Variants in BHMT observed in about 807,000 individuals in gnomAD.
The protein encoded by BHMT is betaine--homocysteine S-methyltransferase 1.
A neutral mutation model predicts 49.5 loss-of-function variants in BHMT; 38 were observed. The observed-to-expected ratio is 0.77, with a 90% CI of 0.59 to 1.01. BHMT has a LOEUF of 1.01. BHMT is among the 50% of genes least tolerant of loss of function. BHMT has a pLI of 0.00. For missense variants in BHMT, 426 were observed against 495.7 expected (o/e 0.86, Z 1.34); for synonymous variants, 166 against 176.3 (o/e 0.94, Z 0.46).
chr5:79,114,790 T>G (rs1280529833), intron 1 of BHMT, among the ~76,000 whole-genome samples: 1 of 152,168 alleles, frequency 6.6e-6, no homozygotes, highest in Non-Finnish European at 1.5e-5. Context: ...ATTTGTGAAA[T>G]GAGAGAGAGA....
Position 79,111,844 on chromosome 5 carries a change from C to T in BHMT, c.-42C>T, listed in dbSNP as rs762313972. ...TGCGCAGCGGGAAGGCTCGCCTAGT[C>T]GGTCCGCATCCGTGTCGACCACCTG... On this transcript the variant is annotated 5_prime_UTR_variant, in exon 1 of 8. Transcript: ENST00000274353. The T allele has an allele frequency of 6.2e-7, 1 of 1,609,962 alleles. No individual in the cohort carries two copies. The highest frequency in any genetic ancestry group is 1.3e-5 in the African/African-American group (1 of 74,786).
At position 79,119,361 on chromosome 5, in the gene BHMT, T is replaced by A; in HGVS notation, c.269T>A (p.Val90Asp). ...AAGCTGGAGAACAGGGGCAACTATG[T>A]CTTAGAGAAGATATCTGTGAGTAAA... ...EDKLENRGNY[V>D]LEKISGQEVN... The change falls in exon 3 of 8, where the codon GTC becomes GAC. Residue 90 changes from valine (V) to aspartate (D), a missense_variant. By Grantham distance (152) the Val-to-Asp change is radical. This residue lies in a region of BHMT where 321 missense variants were observed against 355.9 expected (regional missense o/e 0.90). Coordinates refer to ENST00000274353, the MANE Select transcript of BHMT (RefSeq NM_001713.3). 1 of 1,612,914 alleles carries A rather than the reference T, an allele frequency of 6.2e-7. No homozygotes were observed.
At position 79,113,667 on chromosome 5, in the gene BHMT, G is replaced by A. The variant is rs921120277; in HGVS notation, c.33+1749G>A. Among the ~76,000 whole-genome samples the A allele has an allele frequency of 2.0e-5, 3 of 152,022 alleles. No individual in the cohort carries two copies. The South Asian group carries it at 6.2e-4, about 32-fold the overall frequency. On this transcript the variant is annotated intron_variant, in intron 1 of 7. Transcript: ENST00000274353. ...AATATGCACTTCTTAGACAAAAATGGGCTGATATTACATATACTGTTTTGT... is the reference window on the plus strand; with the variant it reads ...AATATGCACTTCTTAGACAAAAATGAGCTGATATTACATATACTGTTTTGT...
intron 2 of BHMT, 130 bp downstream of exon 2, chr5:79,116,029 G>C: frequency 8.5e-7 from 1 of 1,177,956 alleles, no homozygotes; most frequent in Non-Finnish European, 1.1e-6. Context: ...ACCAGCCTGG[G>C]CACATAGGGA....
At position 79,119,359 on chromosome 5, in the gene BHMT, T is replaced by A. The variant is rs1419928196; in HGVS notation, c.267T>A (p.Tyr89Ter). Reference sequence around the variant, plus strand: ...ACAAGCTGGAGAACAGGGGCAACTATGTCTTAGAGAAGATATCTGTGAGTA... The same window carrying A: ...ACAAGCTGGAGAACAGGGGCAACTAAGTCTTAGAGAAGATATCTGTGAGTA... ...SEDKLENRGN[Y>*]VLEKISGQEV... Residue 89 changes from tyrosine to a stop codon, truncating the protein, a stop_gained, in exon 3 of 8, where the codon TAT becomes TAA. Coordinates refer to ENST00000274353, the MANE Select transcript of BHMT (RefSeq NM_001713.3). LOFTEE classifies it high-confidence loss of function. 6.2e-7 allele frequency: 1 copy of A among 1,613,142 alleles called. No individual in the cohort carries two copies. The highest frequency in any genetic ancestry group is 1.3e-5 in the African/African-American group (1 of 75,014).
chr5:79,131,251 T>A lies in BHMT; in HGVS notation c.*135T>A. On this transcript the variant is annotated 3_prime_UTR_variant, in exon 8 of 8. Transcript: ENST00000274353. ...TATTATTGCTATTACCTGAACAAAA[T>A]AGAATTACAAATAGCACTTGATAAT... 1.2e-6 allele frequency: 1 copy of A among 838,462 alleles called. No homozygotes were observed. Among genetic ancestry groups the A allele is most frequent in the Non-Finnish European group, 1.8e-6 (1 of 568,996 alleles). The allele number at this position is 838,462 out of a possible 1,614,324, so 51.9% of individuals were successfully genotyped here.
chr5:79,118,469 A>AAAACAAAC (rs199901742), intron 2 of BHMT, among the ~76,000 whole-genome samples: 28 of 152,140 alleles, frequency 1.8e-4, no homozygotes, highest in African/African-American at 5.3e-4. Context: ...TCCATCTCAA[A>AAAACAAAC]AAACAAACAA....
intron 7 of BHMT, among the ~76,000 whole-genome samples, chr5:79,129,759 T>C (rs776160132): frequency 3.3e-5 from 5 of 151,968 alleles, no homozygotes; most frequent in Non-Finnish European, 7.4e-5. Context: ...TGGGGAAGAA[T>C]AACCAAGGTG....
At chr5:79,117,795 C>G (rs1182423130) in intron 2 of BHMT, among the ~76,000 whole-genome samples, 1 of 152,176 alleles carries the variant, frequency 6.6e-6, no homozygotes, top group South Asian at 2.1e-4. Flanking sequence ...TTTTCAGGAG[C>G]TGATATATTA....
chr5:79,127,792 A>G lies in BHMT; in HGVS notation c.846A>G (p.Gln282=). ...EPRVATRWDI[Q]KYAREAYNLG... ...GAGTTGCCACCAGATGGGATATTCA[A>G]AAATACGCCAGAGAGGCCTACAACC... is the stretch of plus-strand genomic sequence containing the variant. The change falls in exon 7 of 8, where the codon CAA becomes CAG. Residue 282 remains glutamine (Q), a synonymous_variant. Coordinates refer to ENST00000274353, the MANE Select transcript of BHMT (RefSeq NM_001713.3). 6.2e-7 allele frequency: 1 copy of G among 1,614,122 alleles called. No individual in the cohort carries two copies. Among genetic ancestry groups the G allele is most frequent in the Non-Finnish European group, 8.5e-7 (1 of 1,179,956 alleles).
chr5:79,126,046 G>A lies in BHMT; in HGVS notation c.626G>A (p.Gly209Glu). The A allele has an allele frequency of 6.3e-7, 1 of 1,595,956 alleles. No individual in the cohort carries two copies. The highest frequency in any genetic ancestry group is 8.6e-7 in the Non-Finnish European group (1 of 1,165,002). Reference protein sequence around the residue: ...GECAVRLVKAGASIIGVNCHF... With the variant: ...GECAVRLVKAEASIIGVNCHF... ...TCTATCATGTTCTTCCCACTCACAG[G>A]AGCATCCATCATTGGTGTGAACTGC... Residue 209 changes from glycine to glutamate, a missense_variant and splice_region_variant, in exon 6 of 8, where the codon GGA (glycine) becomes GAA (glutamate). Transcript: ENST00000274353.
At chr5:79,121,184 A>G in intron 4 of BHMT, 34 bp from the exon 5 acceptor site, 4 of 1,586,882 alleles carry the variant, frequency 2.5e-6, no homozygotes, top group Non-Finnish European at 3.4e-6. Context: ...GGGAGAAACG[A>G]GATTAAAAGT....
intron 6 of BHMT, among the ~76,000 whole-genome samples, chr5:79,126,453 T>C (rs530349367): frequency 6.6e-6 from 1 of 152,232 alleles, no homozygotes; most frequent in South Asian, 2.1e-4. Flanking sequence ...TGAATTTAAA[T>C]ATAAAATCTA....
At chr5:79,130,116 G>T (rs1002827569) in intron 7 of BHMT, among the ~76,000 whole-genome samples, 1 of 152,162 alleles carries the variant, frequency 6.6e-6, no homozygotes, top group African/African-American at 2.4e-5. Flanking sequence ...GGGGGTTGCA[G>T]TGAGCCAAGA....
In BHMT at chr5:79,119,308, G is replaced by A. The variant is rs771977077; in HGVS notation, c.216G>A (p.Gln72=). 6.2e-7 allele frequency: 1 copy of A among 1,614,106 alleles called. No homozygotes were observed. Among genetic ancestry groups the A allele is most frequent in the Non-Finnish European group, 8.5e-7 (1 of 1,180,026 alleles). The part of the protein sequence containing the change: ...EFLRAGSNVM[Q]TFTFYASEDK... ...TCAGAGCTGGCTCAAACGTCATGCA[G>A]ACCTTCACCTTCTATGCGAGTGAAG... The change falls in exon 3 of 8, where the codon CAG becomes CAA. Residue 72 remains glutamine, a synonymous_variant. Transcript: ENST00000274353.
At chr5:79,128,513 G>C (rs1580275506) in intron 7 of BHMT, among the ~76,000 whole-genome samples, 2 of 140,666 alleles carry the variant, frequency 1.4e-5, no homozygotes, top group Admixed American at 1.5e-4. Context: ...TTGGGCAACA[G>C]AGTGAGACCC....
At chr5:79,114,275 C>T (rs1262692453) in intron 1 of BHMT, among the ~76,000 whole-genome samples, 5 of 151,880 alleles carry the variant, frequency 3.3e-5, no homozygotes, top group East Asian at 3.9e-4. Context: ...TTATGGGCTC[C>T]CATAAGATAA....
intron 1 of BHMT, among the ~76,000 whole-genome samples, chr5:79,113,466 G>A (rs550089128): frequency 4.6e-5 from 7 of 152,308 alleles, no homozygotes; most frequent in East Asian, 3.9e-4. Context: ...ACTTGTTTCC[G>A]TGCATATGTC....
intron 4 of BHMT, 66 bp from the exon 5 acceptor site, chr5:79,121,150 CAA>C (rs112263466): frequency 8.8e-3 from 11,617 of 1,327,374 alleles, no homozygotes; most frequent in South Asian, 0.013. Context: ...AACTCCGTCT[CAA>C]AAAAAAAAAA....
Sources: gnomAD v4.1 joint callset for allele counts (sites outside exome capture counted in the v4.1 genomes callset) on GRCh38, gnomAD v4.1.1 for gene constraint, gnomAD v4.1.1 regional missense constraint, MANE v1.5 for transcripts, NCBI Gene and HGNC (gene_info 2026-07-23, HGNC 2026-07-21) for gene names.